Variants in CACNA1E observed in about 807,000 individuals in gnomAD.
CACNA1E encodes calcium voltage-gated channel subunit alpha1 E, also known as voltage-dependent R-type calcium channel subunit alpha-1E.
A neutral mutation model predicts 259.2 loss-of-function variants in CACNA1E; 40 were observed. The ratio of observed to expected loss-of-function variants is 0.15; its 90% CI spans 0.12 to 0.20. The LOEUF is 0.20. Ranked by LOEUF, CACNA1E falls within the 10% of genes least tolerant of loss-of-function variation. CACNA1E has a pLI of 1.00. For missense variants in CACNA1E, 1,874 were observed against 3,040.1 expected (o/e 0.62, Z 9.02); for synonymous variants, 1,104 against 1,138.5 (o/e 0.97, Z 0.61).
In CACNA1E at chr1:181,577,888, TTCTGC is replaced by T. The variant is rs1297230429; in HGVS notation, c.616+26_616+30del. ...ATACCTAGTGAGCATCTGCCATTCTTTCTGCTCTGCTAAGAACTTTCTTCATGTGT... is the reference window on the plus strand; with the variant it reads ...ATACCTAGTGAGCATCTGCCATTCTTTCTGCTAAGAACTTTCTTCATGTGT... On this transcript the variant is annotated intron_variant, in intron 4 of 47. Transcript: ENST00000367573. 1 of 1,529,892 alleles carries T rather than the reference TTCTGC, an allele frequency of 6.5e-7. No individual in the cohort carries two copies. The allele number at this position is 1,529,892 out of a possible 1,614,324, so 94.8% of individuals were successfully genotyped here. A position where few individuals can be genotyped will look rare whatever the true frequency, so the allele number is the denominator to read the frequency against.
At chr1:181,529,852 A>G (rs1192008544) in intron 3 of CACNA1E, among the ~76,000 whole-genome samples, 4 of 152,170 alleles carry the variant, frequency 2.6e-5, no homozygotes, top group Admixed American at 6.5e-5. Context: ...TCATAGGTGG[A>G]AGGGACTTGC....
chr1:181,366,161 A>G (rs1417028862), intron 1 of CACNA1E, among the ~76,000 whole-genome samples: 1 of 152,140 alleles, frequency 6.6e-6, no homozygotes, highest in Non-Finnish European at 1.5e-5. Flanking sequence ...TCCTCTCTGA[A>G]TGCCTATTCC....
intron 25 of CACNA1E, among the ~76,000 whole-genome samples, chr1:181,739,664 A>T (rs1656381331): frequency 1.3e-5 from 2 of 152,178 alleles, no homozygotes; most frequent in African/African-American, 4.8e-5. Flanking sequence ...GGGTAGAGCA[A>T]AGTTGAGGAT....
chr1:181,546,058 G>C (rs1197197129), intron 3 of CACNA1E, among the ~76,000 whole-genome samples: 1 of 152,084 alleles, frequency 6.6e-6, no homozygotes, highest in African/African-American at 2.4e-5. Context: ...TGACAGACAC[G>C]CCGTGGGGAA....
intron 6 of CACNA1E, among the ~76,000 whole-genome samples, chr1:181,605,411 C>T (rs114460807): frequency 1.5e-3 from 229 of 152,274 alleles, no homozygotes; most frequent in African/African-American, 4.9e-3. Context: ...ATGCCCAAGG[C>T]AGCACTGGCA....
rs527623179 is a variant in CACNA1E at position 181,367,661 on chromosome 1, C to T, written c.-14-45472C>T. On this transcript the variant is annotated intron_variant, in intron 1 of 11. Coordinates refer to the CACNA1E transcript ENST00000524607. ...ACAAATTATTACTAATGAATAACTT[C>T]TAATTATAACTTTAATTAGATATTA... 1.7e-4 allele frequency among the ~76,000 whole-genome samples: 25 copies of T among 149,472 alleles called. 1 individual carries two copies. In the South Asian group the frequency reaches 2.7e-3, roughly 16 times the overall value.
intron 2 of CACNA1E, among the ~76,000 whole-genome samples, chr1:181,442,023 A>G (rs1660506579): frequency 1.3e-5 from 2 of 152,168 alleles, no homozygotes. Context: ...CAACACAATC[A>G]CAGTATTTTA....
intron 3 of CACNA1E, among the ~76,000 whole-genome samples, chr1:181,575,108 T>G (rs1043975920): frequency 6.6e-6 from 1 of 151,206 alleles, no homozygotes; most frequent in African/African-American, 2.4e-5. Context: ...CCTCAAGGAG[T>G]ATTGGAACTG....
chr1:181,687,184 T>C (rs780457812), intron 7 of CACNA1E, among the ~76,000 whole-genome samples: 12 of 152,150 alleles, frequency 7.9e-5, no homozygotes, highest in African/African-American at 1.7e-4. Context: ...CCTGGAGTCA[T>C]TGGGGCAGCA....
At chr1:181,595,455 G>A (rs999656446) in intron 6 of CACNA1E, among the ~76,000 whole-genome samples, 6 of 152,280 alleles carry the variant, frequency 3.9e-5, no homozygotes, top group South Asian at 2.1e-4. Flanking sequence ...CGGGGCTGGC[G>A]TAGTCAGCAA....
intron 3 of CACNA1E, among the ~76,000 whole-genome samples, chr1:181,571,592 C>G (rs1650418712): frequency 6.6e-6 from 1 of 152,216 alleles, no homozygotes; most frequent in South Asian, 2.1e-4. Context: ...TCTGACTCAA[C>G]TTTGTGTTGG....
At chr1:181,795,590 G>A (rs1459405296) in intron 46 of CACNA1E, among the ~76,000 whole-genome samples, 4 of 151,410 alleles carry the variant, frequency 2.6e-5, no homozygotes, top group South Asian at 2.1e-4. Flanking sequence ...ACAGGCGCCC[G>A]CCACCGTGCC....
chr1:181,632,150 T>TTTTTTTTTTTTTTTTTTTTTTTTTGAGA, intron 6 of CACNA1E, among the ~76,000 whole-genome samples: 1 of 152,196 alleles, frequency 6.6e-6, no homozygotes, highest in African/African-American at 2.4e-5. Flanking sequence ...ACACCTCTTT[T>TTTTTTTTTTTTTTTTTTTTTTTTTGAGA]CTCAACTTCT....
intron 7 of CACNA1E, among the ~76,000 whole-genome samples, chr1:181,655,665 G>C (rs1387347453): frequency 2.6e-5 from 4 of 152,208 alleles, no homozygotes; most frequent in African/African-American, 4.8e-5. Flanking sequence ...CGATGGAGGA[G>C]AGAAAGAAGA....
chr1:181,440,242 T>C (rs999149431), intron 2 of CACNA1E, among the ~76,000 whole-genome samples: 1 of 151,910 alleles, frequency 6.6e-6, no homozygotes, highest in Non-Finnish European at 1.5e-5. Flanking sequence ...TAGAAGGAGA[T>C]GAAGGAGCGA....
In CACNA1E at chr1:181,715,189, G is replaced by A; in HGVS notation, c.1172-149G>A. ...TCTCTGTGCACCCTCTGTGACACTTGCTTTCTTTCTGATGCTGGTGCCTGT... is the reference window on the plus strand; with the variant it reads ...TCTCTGTGCACCCTCTGTGACACTTACTTTCTTTCTGATGCTGGTGCCTGT... On this transcript the variant is annotated intron_variant, in intron 8 of 47. Transcript: ENST00000367573. The A allele has an allele frequency of 4.9e-6, 3 of 618,146 alleles. No homozygotes were observed. In the Middle Eastern group the frequency reaches 7.6e-4, roughly 157 times the overall value. The allele number at this position is 618,146 out of a possible 1,614,324, so 38.3% of individuals were successfully genotyped here.
chr1:181,539,663 A>G (rs1174871549), intron 3 of CACNA1E, among the ~76,000 whole-genome samples: 1 of 152,226 alleles, frequency 6.6e-6, no homozygotes, highest in Non-Finnish European at 1.5e-5. Flanking sequence ...GCTTTTCTTA[A>G]GTTGAGTAAA....
At chr1:181,527,946 TC>T (rs1330443344) in intron 3 of CACNA1E, among the ~76,000 whole-genome samples, 2 of 152,346 alleles carry the variant, frequency 1.3e-5, no homozygotes, top group Admixed American at 1.3e-4. Flanking sequence ...CTTACTTCTT[TC>T]TGTATTGATC....
In CACNA1E at chr1:181,795,054, T is replaced by G. The variant is rs1572913931; in HGVS notation, c.6208+10T>G. On this transcript the variant is annotated intron_variant, in intron 46 of 47. Coordinates refer to ENST00000367573, the MANE Select transcript of CACNA1E (RefSeq NM_001205293.3). ...CTGAACTCTGATTCAGGTGAGGAGG[T>G]CTTCAGTGTCCAGCTCTTTCATCAG... is the stretch of plus-strand genomic sequence containing the variant. 1 of 1,611,058 alleles carries G rather than the reference T, an allele frequency of 6.2e-7. No individual in the cohort carries two copies.
Sources: allele counts gnomAD v4.1 joint callset (sites outside exome capture counted in the v4.1 genomes callset), GRCh38; gene constraint gnomAD v4.1.1; transcripts MANE v1.5; gene names NCBI Gene and HGNC (gene_info 2026-07-23, HGNC 2026-07-21).